The following SLC12A7 variants were observed in gnomAD, a reference collection of about 807,000 sequenced individuals.
SLC12A7 encodes the protein solute carrier family 12 member 7.
Under a neutral mutation model 120.6 loss-of-function variants are expected in SLC12A7, and 100 were observed. The observed-to-expected ratio is 0.83, with a 90% CI of 0.71 to 0.98. SLC12A7 has a LOEUF of 0.98. SLC12A7 is among the 50% of genes least tolerant of loss of function. The probability of loss-of-function intolerance (pLI) is 0.00; values close to 1 mark genes in which losing one functional copy is unlikely to be tolerated. For synonymous variants in SLC12A7, 760 were observed against 678.0 expected, an observed-to-expected ratio of 1.12 and a Z score of -1.88; for missense variants, 1,373 against 1,548.1, an observed-to-expected ratio of 0.89 and a Z score of 1.90.
Position 1,052,191 on chromosome 5 carries a change from G to T in SLC12A7, c.*169C>A, listed in dbSNP as rs891322659. 9.5e-6 allele frequency: 6 copies of T among 630,774 alleles called. No individual in the cohort carries two copies. The highest frequency in any genetic ancestry group is 1.7e-5 in the Non-Finnish European group (6 of 350,888). The allele number at this position is 630,774 out of a possible 1,614,324, so 39.1% of individuals were successfully genotyped here. A position where few individuals can be genotyped will look rare whatever the true frequency, so the allele number is the denominator to read the frequency against. On this transcript the variant is annotated 3_prime_UTR_variant, in exon 24 of 24. Coordinates refer to ENST00000264930, the MANE Select transcript of SLC12A7 (RefSeq NM_006598.3). ...GAGCCTGTTAAGGCTGAACAGGAGA[G>T]CCCTAGGTGACGGGCCTAGAAACTT... is the stretch of plus-strand genomic sequence containing the variant.
intron 20 of SLC12A7, among the ~76,000 whole-genome samples, chr5:1,061,806 A>T (rs1346604083): frequency 6.6e-6 from 1 of 152,090 alleles, no homozygotes; most frequent in Non-Finnish European, 1.5e-5. Flanking sequence ...AAAGAAAAAA[A>T]AAAAAATTAG....
intron 22 of SLC12A7, chr5:1,057,210 A>G: frequency 2.2e-6 from 1 of 457,268 alleles, no homozygotes. Flanking sequence ...AGCACTTGGC[A>G]CCCAGGTCTT....
intron 22 of SLC12A7, 162 bp downstream of exon 22, chr5:1,057,309 C>T: frequency 1.5e-6 from 1 of 688,880 alleles, no homozygotes; most frequent in Non-Finnish European, 2.4e-6. Context: ...ACCAAAAGGA[C>T]CCCTCAGTGC....
chr5:1,103,248 A>C (rs1398139637), intron 1 of SLC12A7, among the ~76,000 whole-genome samples: 1 of 152,078 alleles, frequency 6.6e-6, no homozygotes, highest in Non-Finnish European at 1.5e-5. Flanking sequence ...TTCATCACCC[A>C]TTCCCGAAGT....
At chr5:1,148,362 A>G in the SLC12A7 span, among the ~76,000 whole-genome samples, 13 of 150,944 alleles carry the variant, frequency 8.6e-5, no homozygotes, top group Admixed American at 8.6e-4. Context: ...GCCCACCACC[A>G]CGCCCGGCTA....
At chr5:1,074,692 G>A (rs1326972970) in intron 15 of SLC12A7, 21 bp from the exon 16 acceptor site, 1 of 1,609,724 alleles carries the variant, frequency 6.2e-7, no homozygotes, top group Non-Finnish European at 8.5e-7. Flanking sequence ...GGAAGTCGGG[G>A]TTTGTCCAGC....
chr5:1,079,152 A>C (rs1029114753), intron 10 of SLC12A7, among the ~76,000 whole-genome samples: 2 of 152,146 alleles, frequency 1.3e-5, no homozygotes, highest in African/African-American at 4.8e-5. Context: ...GCTGCGCATC[A>C]CTGTCCACAC....
At chr5:1,137,621 A>G in the SLC12A7 span, among the ~76,000 whole-genome samples, 3 of 152,028 alleles carry the variant, frequency 2.0e-5, no homozygotes, top group Admixed American at 2.0e-4. Flanking sequence ...ACTCATGTCC[A>G]TGGCCTCATC....
chr5:1,073,711 G>A lies in SLC12A7; in HGVS notation c.2163C>T (p.Gly721=). The A allele has an allele frequency of 6.3e-7, 1 of 1,581,078 alleles. No individual in the cohort carries two copies. The highest frequency in any genetic ancestry group is 8.6e-7 in the Non-Finnish European group (1 of 1,161,760). ...LLSFTSQLKA[G]KGLTIVGSVL... ...CCGAGCCCACGATGGTCAGGCCCTT[G>A]CCGGCCTTCAGCTGCGACGTGAAGG... The change falls in exon 17 of 24, where the codon GGC becomes GGT. Residue 721 remains glycine, a synonymous_variant. Coordinates refer to ENST00000264930, the MANE Select transcript of SLC12A7 (RefSeq NM_006598.3).
At position 1,105,043 on chromosome 5, in the gene SLC12A7, C is replaced by A. The variant is rs576370258; in HGVS notation, c.124+6825G>T. Among the ~76,000 whole-genome samples the A allele has an allele frequency of 3.4e-5, 5 of 148,496 alleles. No homozygotes were observed. The East Asian group carries it at 1.0e-3, about 30-fold the overall frequency. ...CCCTCCCCGAAGGAATGAGGTCCTG[C>A]AGTCACCCACCAGCCAAAGAGGAGC... On this transcript the variant is annotated intron_variant, in intron 1 of 23. Coordinates refer to ENST00000264930, the MANE Select transcript of SLC12A7 (RefSeq NM_006598.3).
intron 8 of SLC12A7, among the ~76,000 whole-genome samples, 155 bp from the exon 9 acceptor site, chr5:1,081,899 G>A (rs545707823): frequency 6.8e-4 from 103 of 152,368 alleles, no homozygotes; most frequent in African/African-American, 2.0e-3. Context: ...ACACGCTTTC[G>A]AGATGGTACC....
chr5:1,056,604 G>A, intron 22 of SLC12A7: 7 of 985,174 alleles, frequency 7.1e-6, no homozygotes, highest in Non-Finnish European at 8.4e-6. Flanking sequence ...TCTCTATGCA[G>A]GAGAAAAAAA....
intron 7 of SLC12A7, among the ~76,000 whole-genome samples, chr5:1,084,509 C>T (rs896036043): frequency 4.6e-5 from 7 of 152,184 alleles, no homozygotes; most frequent in South Asian, 2.1e-4. Context: ...GTGCCGCCCC[C>T]GACGTATAAG....
intron 4 of SLC12A7, 127 bp from the exon 5 acceptor site, chr5:1,088,487 T>C: frequency 3.9e-6 from 4 of 1,013,456 alleles, no homozygotes; most frequent in Non-Finnish European, 6.0e-6. Flanking sequence ...GGGCTCTCCA[T>C]CTCAATGGAG....
At chr5:1,079,336 G>T in intron 10 of SLC12A7, 62 bp downstream of exon 10, 2 of 1,301,936 alleles carry the variant, frequency 1.5e-6, no homozygotes, top group Non-Finnish European at 1.1e-6. Flanking sequence ...GAGCCGGGGA[G>T]GGCATGGGGG....
At position 1,074,602 on chromosome 5, in the gene SLC12A7, G is replaced by T; in HGVS notation, c.2037C>A (p.Arg679=). The T allele has an allele frequency of 6.2e-7, 1 of 1,612,762 alleles. No homozygotes were observed. Among genetic ancestry groups the T allele is most frequent in the Non-Finnish European group, 8.5e-7 (1 of 1,179,872 alleles). Residue 679 remains arginine (R), a synonymous_variant, in exon 16 of 24, where the codon CGC becomes CGA. Coordinates refer to ENST00000264930, the MANE Select transcript of SLC12A7 (RefSeq NM_006598.3). ...SLNAARYALL[R]VEHGPPHTKN... ...TGGTGTGGGGGGGACCGTGCTCCAC[G>T]CGCAGCAGGGCGTAGCGGGCGGCGT... is the stretch of plus-strand genomic sequence containing the variant.
At chr5:1,137,793 G>A in the SLC12A7 span, among the ~76,000 whole-genome samples, 1 of 152,236 alleles carries the variant, frequency 6.6e-6, no homozygotes, top group South Asian at 2.1e-4. Context: ...TGGTCTGGCT[G>A]GCGGAGAAGA....
chr5:1,098,119 T>TGCAAGCCCAGCCCCCAC (rs1741502995), intron 1 of SLC12A7, among the ~76,000 whole-genome samples: 1 of 22,452 alleles, frequency 4.5e-5, no homozygotes, highest in African/African-American at 2.1e-4. Context: ...AGCCCCCCTC[T>TGCAAGCCCAGCCCCCAC]AACCCTCTGC....
chr5:1,152,019 C>T, the SLC12A7 span, among the ~76,000 whole-genome samples: 1 of 152,280 alleles, frequency 6.6e-6, no homozygotes, highest in East Asian at 1.9e-4. Flanking sequence ...CCTTCTGGAG[C>T]CTCTGGAACC....
Sources: gnomAD v4.1 joint callset for allele counts (sites outside exome capture counted in the v4.1 genomes callset) on GRCh38, gnomAD v4.1.1 for gene constraint, MANE v1.5 for transcripts, NCBI Gene and HGNC (gene_info 2026-07-23, HGNC 2026-07-21) for gene names.